The following TBC1D5 variants were observed in gnomAD, a reference collection of about 807,000 sequenced individuals.
TBC1D5 encodes the protein TBC1 domain family member 5.
Under a neutral mutation model 100.3 loss-of-function variants are expected in TBC1D5, and 75 were observed. The ratio of observed to expected loss-of-function variants is 0.75; its 90% confidence interval spans 0.62 to 0.91. The LOEUF (loss-of-function observed/expected upper bound fraction) is 0.91. TBC1D5 is among the 40% of genes least tolerant of loss of function. TBC1D5 has a pLI of 0.00. For synonymous variants in TBC1D5, 323 were observed against 325.6 expected, an observed-to-expected ratio of 0.99 and a Z score of 0.09; for missense variants, 910 against 942.4, an observed-to-expected ratio of 0.97 and a Z score of 0.45.
In TBC1D5 at chr3:17,654,064, G is replaced by T. The variant is rs564741814; in HGVS notation, c.-100-30151C>A. 1.3e-3 allele frequency among the ~76,000 whole-genome samples: 197 copies of T among 152,120 alleles called. 1 individual carries two copies. Among genetic ancestry groups the T allele is most frequent in the African/African-American group, 4.4e-3 (182 of 41,488 alleles). On this transcript the variant is annotated intron_variant, in intron 1 of 21. Coordinates refer to ENST00000253692, the Ensembl canonical transcript of TBC1D5. ...AGCTTAATTAAATTTTAAAAATCAG[G>T]TTATGCAGAATTTAAACTAGTATTG...
At chr3:17,645,427 C>T (rs977670822) in intron 1 of TBC1D5, among the ~76,000 whole-genome samples, 3 of 152,084 alleles carry the variant, frequency 2.0e-5, no homozygotes, top group South Asian at 2.1e-4. Context: ...GAGGCTGACT[C>T]GCAGCTGTCA....
intron 2 of TBC1D5, among the ~76,000 whole-genome samples, chr3:17,606,924 G>GA (rs1161482806): frequency 1.3e-5 from 2 of 151,868 alleles, no homozygotes; most frequent in Non-Finnish European, 2.9e-5. Context: ...ATAATGAGAG[G>GA]AAAAAAATGA....
At position 17,380,079 on chromosome 3, in the gene TBC1D5, G is replaced by C. The variant is rs962146197; in HGVS notation, c.613-3466C>G. ...TGTGTGTGTGTGTGTGTGTGTGTGT[G>C]TGTGTGTGTGTATACACATCCAGAT... is the stretch of plus-strand genomic sequence containing the variant. On this transcript the variant is annotated intron_variant, in intron 9 of 21. Transcript: ENST00000253692. 1.6e-4 allele frequency among the ~76,000 whole-genome samples: 23 copies of C among 147,094 alleles called. 1 individual carries two copies. The South Asian group carries it at 4.9e-3, about 31-fold the overall frequency.
chr3:17,353,790 CA>C (rs1446784706), intron 13 of TBC1D5, among the ~76,000 whole-genome samples: 2 of 152,038 alleles, frequency 1.3e-5, no homozygotes, highest in Non-Finnish European at 2.9e-5. Flanking sequence ...TGGAGTTTAA[CA>C]AACAGATCAG....
intron 3 of TBC1D5, among the ~76,000 whole-genome samples, chr3:17,466,025 G>A (rs6804323): frequency 0.091 from 13,834 of 152,152 alleles, 1,419 homozygotes; most frequent in African/African-American, 0.25. Flanking sequence ...TGGACAACTG[G>A]TGGCACTTTC....
intron 13 of TBC1D5, among the ~76,000 whole-genome samples, chr3:17,362,913 T>G (rs972506352): frequency 2.6e-5 from 4 of 152,196 alleles, no homozygotes; most frequent in Non-Finnish European, 5.9e-5. Context: ...CCAATGTCAC[T>G]ACCATGATAT....
intron 14 of TBC1D5, among the ~76,000 whole-genome samples, chr3:17,297,305 G>A (rs2082348017): frequency 6.6e-6 from 1 of 152,198 alleles, no homozygotes; most frequent in African/African-American, 2.4e-5. Flanking sequence ...GGCTAGGCGT[G>A]GTGGCTCACG....
At chr3:17,603,156 T>TG (rs2061100566) in intron 2 of TBC1D5, among the ~76,000 whole-genome samples, 1 of 118,156 alleles carries the variant, frequency 8.5e-6, no homozygotes, top group African/African-American at 4.8e-5. Flanking sequence ...AGTTTTTTGG[T>TG]TTTTTTTTTT....
At chr3:17,529,120 A>G (rs1015864423) in intron 2 of TBC1D5, among the ~76,000 whole-genome samples, 2 of 152,136 alleles carry the variant, frequency 1.3e-5, no homozygotes, top group African/African-American at 4.8e-5. Context: ...CACTCTCCCT[A>G]TTGAAACCCC....
intron 17 of TBC1D5, 107 bp from the exon 19 acceptor site, chr3:17,214,477 A>G (rs1236162907): frequency 9.5e-6 from 11 of 1,156,090 alleles, no homozygotes; most frequent in Non-Finnish European, 1.3e-5. Flanking sequence ...CACTAGGTTG[A>G]TACTATCAAC....
At chr3:17,616,249 G>A (rs903837859) in intron 2 of TBC1D5, among the ~76,000 whole-genome samples, 1 of 137,874 alleles carries the variant, frequency 7.3e-6, no homozygotes, top group Non-Finnish European at 1.5e-5. Flanking sequence ...TGTGGTCTGA[G>A]AGGCAGCTTG....
At chr3:17,689,300 G>A (rs1212501105) in intron 1 of TBC1D5, among the ~76,000 whole-genome samples, 1 of 152,094 alleles carries the variant, frequency 6.6e-6, no homozygotes, top group Non-Finnish European at 1.5e-5. Flanking sequence ...AGCACTTTGG[G>A]AGGCCAAAGT....
intron 13 of TBC1D5, among the ~76,000 whole-genome samples, chr3:17,338,092 C>T (rs1033640124): frequency 1.3e-5 from 2 of 152,040 alleles, no homozygotes; most frequent in Non-Finnish European, 2.9e-5. Context: ...CTGAATAACA[C>T]GGTGATTTTA....
chr3:17,632,218 A>C (rs985849680), intron 1 of TBC1D5, among the ~76,000 whole-genome samples: 2 of 152,222 alleles, frequency 1.3e-5, no homozygotes, highest in African/African-American at 4.8e-5. Context: ...TGGAGTAAAG[A>C]ACTGCAGGCA....
chr3:17,226,144 C>T (rs1457513427), intron 17 of TBC1D5, among the ~76,000 whole-genome samples: 4 of 149,642 alleles, frequency 2.7e-5, no homozygotes, highest in East Asian at 2.0e-4. Context: ...CTGCCTTTTT[C>T]GTATCTGGTA....
At chr3:17,399,898 T>C (rs1206911239) in intron 8 of TBC1D5, among the ~76,000 whole-genome samples, 3 of 152,142 alleles carry the variant, frequency 2.0e-5, no homozygotes. Context: ...GTCTGGCCTT[T>C]AAATTTTTTC....
rs542065732 is a variant in TBC1D5 at position 17,532,574 on chromosome 3, T to C, written c.-35-23969A>G. Reference sequence around the variant, plus strand: ...TGGCACTATTCACAATAGCAAAGTCTTGGAACCAACCCAAATGTCCAACAA... The same window carrying C: ...TGGCACTATTCACAATAGCAAAGTCCTGGAACCAACCCAAATGTCCAACAA... On this transcript the variant is annotated intron_variant, in intron 2 of 21. Coordinates refer to ENST00000253692, the Ensembl canonical transcript of TBC1D5. Among the ~76,000 whole-genome samples, 9 of 152,284 alleles carry C rather than the reference T, an allele frequency of 5.9e-5. No homozygotes were observed. The South Asian group carries it at 1.7e-3, about 28-fold the overall frequency.
intron 14 of TBC1D5, among the ~76,000 whole-genome samples, chr3:17,303,346 C>T (rs2083052438): frequency 1.3e-5 from 2 of 152,304 alleles, no homozygotes; most frequent in South Asian, 2.1e-4. Flanking sequence ...CATCTATGTA[C>T]CATATACTGG....
chr3:17,483,112 C>G (rs1447531317), intron 3 of TBC1D5, among the ~76,000 whole-genome samples: 2 of 151,876 alleles, frequency 1.3e-5, no homozygotes, highest in African/African-American at 4.8e-5. Context: ...CTTAGTGTTT[C>G]CATCGCTTGC....
Sources: allele counts gnomAD v4.1 joint callset (sites outside exome capture counted in the v4.1 genomes callset), GRCh38; gene constraint gnomAD v4.1.1; transcripts MANE v1.5; gene names NCBI Gene and HGNC (gene_info 2026-07-23, HGNC 2026-07-21).